TYW1B: variants seen among roughly 807,000 people sequenced by gnomAD.
TYW1B encodes S-adenosyl-L-methionine-dependent tRNA 4-demethylwyosine synthase TYW1B.
A neutral mutation model predicts 86.9 loss-of-function variants in TYW1B; 73 were observed. The observed-to-expected ratio is 0.84, with a 90% CI of 0.70 to 1.02. The LOEUF (loss-of-function observed/expected upper bound fraction) is 1.02, where lower values mean the gene tolerates loss of function less well. TYW1B is among the 50% of genes least tolerant of loss of function. The pLI is 0.00. For missense variants in TYW1B, 637 were observed against 827.4 expected (o/e 0.77, Z 2.82); for synonymous variants, 248 against 292.8 (o/e 0.85, Z 1.56).
intron 11 of TYW1B, among the ~76,000 whole-genome samples, chr7:72,662,878 A>T (rs1554444675): frequency 1.3e-5 from 2 of 152,184 alleles, no homozygotes; most frequent in African/African-American, 4.8e-5. Context: ...CAAATGCACT[A>T]ATAAAGGTTT....
intron 11 of TYW1B, among the ~76,000 whole-genome samples, chr7:72,670,074 C>T (rs1247629842): frequency 3.3e-5 from 5 of 151,692 alleles, no homozygotes; most frequent in East Asian, 1.9e-4. Context: ...AAGGCTGCTG[C>T]GAACCATGAT....
intron 7 of TYW1B, among the ~76,000 whole-genome samples, chr7:72,766,063 T>C (rs1176876577): frequency 1.3e-5 from 2 of 152,220 alleles, no homozygotes; most frequent in Non-Finnish European, 2.9e-5. Context: ...GAAATACTTT[T>C]GTATCGATTC....
intron 13 of TYW1B, among the ~76,000 whole-genome samples, chr7:72,577,757 G>A (rs1554429028): frequency 1.3e-5 from 2 of 152,010 alleles, no homozygotes; most frequent in African/African-American, 4.8e-5. Flanking sequence ...TGATTCCTAC[G>A]ATCCTGAATG....
In TYW1B at chr7:72,777,417, T is replaced by A. The variant is rs1554470734; in HGVS notation, c.963A>T (p.Gln321His). Residue 321 changes from glutamine (Q) to histidine (H), a missense_variant and splice_region_variant, in exon 7 of 14, where the codon CAA (glutamine) becomes CAT (histidine). Gln to His is a conservative substitution (Grantham distance 24). Coordinates refer to ENST00000620995, the MANE Select transcript of TYW1B (RefSeq NM_001145440.3). ...ACAACAATTCTTGAAGATTTTCACCTTGTTTAGTAAGGGCTTCTCGGAGAG... is the reference window on the plus strand; with the variant it reads ...ACAACAATTCTTGAAGATTTTCACCATGTTTAGTAAGGGCTTCTCGGAGAG... ...TPALREALTK[Q>H]VDAPRERSLL... is the part of the protein sequence containing the mutation. 1 of 1,613,166 alleles carries A rather than the reference T, an allele frequency of 6.2e-7. No homozygotes were observed. Among genetic ancestry groups the A allele is most frequent in the Non-Finnish European group, 8.5e-7 (1 of 1,179,634 alleles).
intron 7 of TYW1B, among the ~76,000 whole-genome samples, chr7:72,777,055 A>G (rs376418781): frequency 1.1e-4 from 16 of 152,144 alleles, no homozygotes; most frequent in East Asian, 7.7e-4. Context: ...AACCTCCTTA[A>G]TAAGGTAAGA....
In TYW1B at chr7:72,625,498, G is replaced by A. The variant is rs138480756; in HGVS notation, c.1617+3389C>T. On this transcript the variant is annotated intron_variant, in intron 12 of 13. Coordinates refer to ENST00000620995, the MANE Select transcript of TYW1B (RefSeq NM_001145440.3). ...AAATTAGCCAGGTGTGGTGGTGTGC[G>A]TCTGTCATCAAGCTACTTGGGAGGC... 5.2e-3 allele frequency among the ~76,000 whole-genome samples: 762 copies of A among 147,842 alleles called. 9 individuals carry two copies. Among genetic ancestry groups the A allele is most frequent in the African/African-American group, 0.018 (703 of 39,302 alleles).
chr7:72,795,564 C>T (rs1554474337), intron 6 of TYW1B, among the ~76,000 whole-genome samples: 1 of 152,044 alleles, frequency 6.6e-6, no homozygotes. Flanking sequence ...TCAGCAGGAA[C>T]ATGGGTCACA....
chr7:72,660,968 T>G (rs1348675953), intron 11 of TYW1B, among the ~76,000 whole-genome samples: 1 of 150,646 alleles, frequency 6.6e-6, no homozygotes, highest in East Asian at 1.9e-4. Context: ...ACCTCATCTC[T>G]ACTAAAAATA....
intron 12 of TYW1B, among the ~76,000 whole-genome samples, chr7:72,620,126 G>A (rs1452020075): frequency 1.3e-5 from 2 of 152,188 alleles, no homozygotes; most frequent in African/African-American, 4.8e-5. Context: ...GCTAGGCACG[G>A]TGACTCATGC....
chr7:72,652,911 C>A lies in TYW1B; in HGVS notation c.1507-23914G>T, dbSNP rs148306954. On this transcript the variant is annotated intron_variant, in intron 11 of 13. Coordinates refer to ENST00000620995, the MANE Select transcript of TYW1B (RefSeq NM_001145440.3). The stretch of plus-strand genomic sequence containing the variant: ...GCCTTCCAGAATTTAAGTAAATGAT[C>A]CGAAATATGTGCAAAGGTGTACATA... 6.9e-3 allele frequency among the ~76,000 whole-genome samples: 1,053 copies of A among 152,194 alleles called. 17 individuals carry two copies. Among genetic ancestry groups the A allele is most frequent in the African/African-American group, 0.025 (1,028 of 41,512 alleles).
At chr7:72,666,187 G>A in intron 11 of TYW1B, among the ~76,000 whole-genome samples, 1 of 152,246 alleles carries the variant, frequency 6.6e-6, no homozygotes, top group South Asian at 2.1e-4. Flanking sequence ...GTCCAGGTGG[G>A]CAGATTGCTT....
chr7:72,712,902 A>G (rs1786697699), intron 10 of TYW1B, among the ~76,000 whole-genome samples: 1 of 152,162 alleles, frequency 6.6e-6, no homozygotes, highest in Admixed American at 6.5e-5. Context: ...CTACACTTAC[A>G]TAATGGTTAT....
At chr7:72,614,570 T>C (rs1554436513) in intron 13 of TYW1B, among the ~76,000 whole-genome samples, 1 of 150,654 alleles carries the variant, frequency 6.6e-6, no homozygotes, top group South Asian at 2.1e-4. Context: ...GAGGCAGAGG[T>C]TGCAGTGAGC....
At chr7:72,663,099 C>T (rs1466702338) in intron 11 of TYW1B, among the ~76,000 whole-genome samples, 2 of 148,146 alleles carry the variant, frequency 1.4e-5, no homozygotes, top group Admixed American at 6.9e-5. Context: ...GATGAATGGC[C>T]GTGAATGATT....
chr7:72,758,886 A>G (rs1484187359), intron 7 of TYW1B, among the ~76,000 whole-genome samples: 5 of 152,024 alleles, frequency 3.3e-5, no homozygotes, highest in African/African-American at 1.2e-4. Flanking sequence ...TTAATATCTC[A>G]TTTGATCTGC....
At chr7:72,777,286 A>T (rs1181266767) in intron 7 of TYW1B, 130 bp downstream of exon 7, 11 of 1,095,694 alleles carry the variant, frequency 1.0e-5, no homozygotes, top group Non-Finnish European at 1.4e-5. Context: ...GTAAGAAGGT[A>T]AATCTTTAGA....
intron 11 of TYW1B, among the ~76,000 whole-genome samples, chr7:72,690,489 C>T (rs1814121732): frequency 6.6e-6 from 1 of 152,174 alleles, no homozygotes; most frequent in Non-Finnish European, 1.5e-5. Context: ...AAACACTGTA[C>T]TTGCCAAGAG....
chr7:72,590,489 C>T (rs1224567921), intron 13 of TYW1B, among the ~76,000 whole-genome samples: 5 of 152,186 alleles, frequency 3.3e-5, no homozygotes, highest in African/African-American at 1.2e-4. Context: ...TTTCACTTTT[C>T]TCTTTCCCAC....
intron 11 of TYW1B, among the ~76,000 whole-genome samples, chr7:72,658,264 A>G (rs1450945576): frequency 3.9e-5 from 6 of 152,288 alleles, no homozygotes; most frequent in Middle Eastern, 3.4e-3. Context: ...AAAAAAAAAA[A>G]AAAAGAAAGT....
Sources: allele counts gnomAD v4.1 joint callset (sites outside exome capture counted in the v4.1 genomes callset), GRCh38; gene constraint gnomAD v4.1.1; transcripts MANE v1.5; gene names NCBI Gene and HGNC (gene_info 2026-07-23, HGNC 2026-07-21).